Variants in TSC22D2 observed in about 807,000 individuals in gnomAD.
TSC22D2 encodes the protein TSC22 domain family protein 2.
In TSC22D2, 5 loss-of-function variants were observed where a neutral mutation model predicts 50.1. That is an observed-to-expected ratio of 0.10 (90% CI 0.05 to 0.21). The LOEUF is 0.21. Among genes scored for constraint, TSC22D2 ranks in the 10% least tolerant of loss-of-function variants. The pLI is 1.00. For missense variants in TSC22D2, 1,003 were observed against 1,015.5 expected (o/e 0.99, Z 0.17); for synonymous variants, 501 against 450.1 (o/e 1.11, Z -1.43).
rs1417563109 is a variant in TSC22D2 at position 150,408,465 on chromosome 3, G to A, written c.-886G>A. 3 of 152,434 alleles carry A rather than the reference G, an allele frequency of 2.0e-5. No homozygotes were observed. Among genetic ancestry groups the A allele is most frequent in the Admixed American group, 6.5e-5 (1 of 15,288 alleles). 9.4% of individuals were successfully genotyped at this position (152,434 alleles called of 1,614,324 possible). A position where few individuals can be genotyped will look rare whatever the true frequency, so the allele number is the denominator to read the frequency against. Reference sequence around the variant, plus strand: ...TTGGGCGCACCGAGGAGGAGCCGGAGAAGCCACCACCGCTACCTCACACAG... The same window carrying A: ...TTGGGCGCACCGAGGAGGAGCCGGAAAAGCCACCACCGCTACCTCACACAG... On this transcript the variant is annotated 5_prime_UTR_variant, in exon 1 of 3. Coordinates refer to ENST00000688009, the MANE Select transcript of TSC22D2 (RefSeq NM_001303264.2).
rs1349503250 is a variant in TSC22D2 at position 150,465,162 on chromosome 3, A to G, written c.*6526A>G. 1 of 152,214 alleles carries G rather than the reference A, an allele frequency of 6.6e-6. No individual in the cohort carries two copies. The highest frequency in any genetic ancestry group is 2.4e-5 in the African/African-American group (1 of 41,458). The allele number at this position is 152,214 out of a possible 1,614,324, so 9.4% of individuals were successfully genotyped here. A position where few individuals can be genotyped will look rare whatever the true frequency, so the allele number is the denominator to read the frequency against. On this transcript the variant is annotated 3_prime_UTR_variant, in exon 3 of 3. Transcript: ENST00000688009. The stretch of plus-strand genomic sequence containing the variant: ...AGCATAACAATTTAGAAGAAATATA[A>G]AGTTAGATCTTTCACAAAAATTAAT...
At position 150,465,349 on chromosome 3, in the gene TSC22D2, G is replaced by A. The variant is rs1251837840; in HGVS notation, c.*6713G>A. 1.3e-5 allele frequency: 2 copies of A among 152,140 alleles called. No individual in the cohort carries two copies. Among genetic ancestry groups the A allele is most frequent in the African/African-American group, 4.8e-5 (2 of 41,442 alleles). The allele number at this position is 152,140 out of a possible 1,614,324, so 9.4% of individuals were successfully genotyped here. A position where few individuals can be genotyped will look rare whatever the true frequency, so the allele number is the denominator to read the frequency against. On this transcript the variant is annotated 3_prime_UTR_variant, in exon 3 of 3. Transcript: ENST00000688009. ...TCAATCTCAGCAAAATAAGGGAAGTGCACATTAAAACACAAGAAACCATCT... is the reference window on the plus strand; with the variant it reads ...TCAATCTCAGCAAAATAAGGGAAGTACACATTAAAACACAAGAAACCATCT...
Position 150,409,527 on chromosome 3 carries a change from T to C in TSC22D2, c.177T>C (p.Pro59=). ...TCTCTCGGGCCACGGATTATGGCCC[T>C]GAGGAGGTCTGCGAGCGCAGCTCTT... The part of the protein sequence containing the change: ...FDVSRATDYG[P]EEVCERSSSE... Residue 59 remains proline, a synonymous_variant, in exon 1 of 3, where the codon CCT becomes CCC. Transcript: ENST00000688009. This position sits in a 1 kb window ranked among gnomAD's most constrained non-coding sequence, Gnocchi z 7.4. 5 of 1,608,470 alleles carry C rather than the reference T, an allele frequency of 3.1e-6. No homozygotes were observed. Among genetic ancestry groups the C allele is most frequent in the Non-Finnish European group, 4.3e-6 (5 of 1,175,862 alleles).
chr3:150,453,406 T>C (rs1721101511), intron 1 of TSC22D2, among the ~76,000 whole-genome samples: 1 of 152,222 alleles, frequency 6.6e-6, no homozygotes, highest in Non-Finnish European at 1.5e-5. Context: ...TTTTAAACCA[T>C]ATTCTGGGAT....
chr3:150,447,497 T>C (rs543034725), intron 1 of TSC22D2, among the ~76,000 whole-genome samples: 11 of 152,306 alleles, frequency 7.2e-5, no homozygotes, highest in African/African-American at 2.6e-4. Flanking sequence ...GGATTCTACA[T>C]TTCCATGTCT....
intron 1 of TSC22D2, among the ~76,000 whole-genome samples, chr3:150,412,633 C>G (rs115236456): frequency 6.6e-6 from 1 of 152,044 alleles, no homozygotes; most frequent in Admixed American, 6.5e-5. Context: ...TATGGGGAGT[C>G]TTTCTTCACT....
intron 1 of TSC22D2, among the ~76,000 whole-genome samples, chr3:150,450,986 C>G (rs946806837): frequency 1.3e-5 from 2 of 152,044 alleles, no homozygotes; most frequent in East Asian, 1.9e-4. Flanking sequence ...GTGTATGATT[C>G]CTTAGGACTG....
At chr3:150,457,014 T>C (rs1204229159) in intron 1 of TSC22D2, 62 bp from the exon 2 acceptor site, 4 of 1,428,810 alleles carry the variant, frequency 2.8e-6, no homozygotes, top group African/African-American at 2.8e-5. Context: ...TTTTACATTC[T>C]TTTAAGAGTT....
At chr3:150,412,054 A>G (rs1267000164) in intron 1 of TSC22D2, among the ~76,000 whole-genome samples, 1 of 152,176 alleles carries the variant, frequency 6.6e-6, no homozygotes, top group South Asian at 2.1e-4. Flanking sequence ...TAATTTTATA[A>G]TAAAAGTGTA....
At chr3:150,456,195 G>GT (rs869193035) in intron 1 of TSC22D2, among the ~76,000 whole-genome samples, 34 of 101,502 alleles carry the variant, frequency 3.3e-4, no homozygotes, top group Non-Finnish European at 5.3e-4. Flanking sequence ...TTTTTTTTTT[G>GT]TTTTTTTTTG....
At chr3:150,427,178 G>C (rs912704552) in intron 1 of TSC22D2, among the ~76,000 whole-genome samples, 4 of 152,024 alleles carry the variant, frequency 2.6e-5, no homozygotes, top group Admixed American at 6.6e-5. Context: ...TTGAATGCTT[G>C]GTGATAGGAC....
chr3:150,442,678 C>A (rs1292982889), intron 1 of TSC22D2, among the ~76,000 whole-genome samples: 32 of 152,144 alleles, frequency 2.1e-4, no homozygotes, highest in Admixed American at 2.1e-3. Context: ...AAAGTCATAT[C>A]TCGGTTTTGG....
chr3:150,461,757 T>G lies in TSC22D2; in HGVS notation c.*3121T>G, dbSNP rs549715531. ...GTTTTATAATCAAGCCTCCAGTGACTGGGGATCACAGCTGCCATTATTCAC... is the reference window on the plus strand; with the variant it reads ...GTTTTATAATCAAGCCTCCAGTGACGGGGGATCACAGCTGCCATTATTCAC... On this transcript the variant is annotated 3_prime_UTR_variant, in exon 3 of 3. Transcript: ENST00000688009. The G allele has an allele frequency of 6.6e-6, 1 of 152,182 alleles. No individual in the cohort carries two copies. Among genetic ancestry groups the G allele is most frequent in the Admixed American group, 6.5e-5 (1 of 15,270 alleles). The allele number at this position is 152,182 out of a possible 1,614,324, so 9.4% of individuals were successfully genotyped here.
chr3:150,413,383 T>C (rs1719664110), intron 1 of TSC22D2, among the ~76,000 whole-genome samples: 1 of 152,186 alleles, frequency 6.6e-6, no homozygotes, highest in African/African-American at 2.4e-5. Context: ...TCATTTAAAA[T>C]CTACATTGCT....
In TSC22D2 at chr3:150,462,949, T is replaced by C. The variant is rs1017008016; in HGVS notation, c.*4313T>C. On this transcript the variant is annotated 3_prime_UTR_variant, in exon 3 of 3. Coordinates refer to ENST00000688009, the MANE Select transcript of TSC22D2 (RefSeq NM_001303264.2). ...CCACCGCACCCAGCTGCCTATTTTC[T>C]TGTCCCTCCAAAAAAAGATTAAAGA... 6.6e-6 allele frequency: 1 copy of C among 152,238 alleles called. No individual in the cohort carries two copies. Among genetic ancestry groups the C allele is most frequent in the African/African-American group, 2.4e-5 (1 of 41,450 alleles). 9.4% of individuals were successfully genotyped at this position (152,238 alleles called of 1,614,324 possible). A position where few individuals can be genotyped will look rare whatever the true frequency, so the allele number is the denominator to read the frequency against.
At chr3:150,423,059 A>G (rs984795219) in intron 1 of TSC22D2, 11 of 1,613,014 alleles carry the variant, frequency 6.8e-6, no homozygotes, top group Non-Finnish European at 6.8e-6. Context: ...GAATCCTTCA[A>G]CTGCTTTCTA....
In TSC22D2 at chr3:150,409,778, C is replaced by T; in HGVS notation, c.428C>T (p.Ser143Phe). 2 of 1,602,420 alleles carry T rather than the reference C, an allele frequency of 1.2e-6. No individual in the cohort carries two copies. The highest frequency in any genetic ancestry group is 1.7e-6 in the Non-Finnish European group (2 of 1,179,452). Residue 143 changes from serine (S) to phenylalanine (F), a missense_variant, in exon 1 of 3, where the codon TCC becomes TTC. This residue lies in a region of TSC22D2 where 200 missense variants were observed against 182.8 expected (regional missense o/e 1.09). Coordinates refer to ENST00000688009, the MANE Select transcript of TSC22D2 (RefSeq NM_001303264.2). This position sits in a 1 kb window ranked among gnomAD's most constrained non-coding sequence, Gnocchi z 7.4. ...GGCGGCCCCCAGCTCGCGGGCTCATCCGCCGGGCCAGTGACTGCAGCCCCA... is the reference window on the plus strand; with the variant it reads ...GGCGGCCCCCAGCTCGCGGGCTCATTCGCCGGGCCAGTGACTGCAGCCCCA... Reference protein sequence around the residue: ...APGGPQLAGSSAGPVTAAPSQ... With the variant: ...APGGPQLAGSFAGPVTAAPSQ...
At chr3:150,453,976 A>G (rs1721117781) in intron 1 of TSC22D2, among the ~76,000 whole-genome samples, 1 of 152,172 alleles carries the variant, frequency 6.6e-6, no homozygotes, top group Non-Finnish European at 1.5e-5. Flanking sequence ...AATCCTCACA[A>G]TTGGCATATA....
intron 1 of TSC22D2, among the ~76,000 whole-genome samples, chr3:150,451,152 T>G (rs1191034443): frequency 6.6e-6 from 1 of 152,204 alleles, no homozygotes; most frequent in Non-Finnish European, 1.5e-5. Flanking sequence ...TTTGGAGAGT[T>G]CCTGTAGTGC....
Sources: gnomAD v4.1 joint callset for allele counts (sites outside exome capture counted in the v4.1 genomes callset) on GRCh38, gnomAD v4.1.1 for gene constraint, gnomAD v4.1.1 regional missense constraint, Gnocchi (gnomAD v3.1) non-coding constraint, MANE v1.5 for transcripts, NCBI Gene and HGNC (gene_info 2026-07-23, HGNC 2026-07-21) for gene names.